Variants in SPATA31C2 observed in about 807,000 individuals in gnomAD.
The protein encoded by SPATA31C2 is SPATA31 subfamily C member 2.
In SPATA31C2, 5 loss-of-function variants were observed where a neutral mutation model predicts 11.4. The observed-to-expected ratio is 0.44, with a 90% confidence interval of 0.23 to 0.92. The LOEUF (loss-of-function observed/expected upper bound fraction) is 0.92, where lower values mean the gene tolerates loss of function less well. SPATA31C2 is among the 40% of genes least tolerant of loss of function. The pLI, the probability that SPATA31C2 is intolerant of heterozygous loss-of-function variation, is 0.24. For synonymous variants in SPATA31C2, 515 were observed against 538.7 expected, an observed-to-expected ratio of 0.96 and a Z score of 0.61; for missense variants, 1,353 against 1,368.6, an observed-to-expected ratio of 0.99 and a Z score of 0.18.
Position 88,131,172 on chromosome 9 carries a change from G to C in SPATA31C2, c.1865C>G (p.Pro622Arg). 2 of 1,611,708 alleles carry C rather than the reference G, an allele frequency of 1.2e-6. No homozygotes were observed. The highest frequency in any genetic ancestry group is 1.1e-5 in the South Asian group (1 of 90,986). The change falls in exon 4 of 4, where the codon CCG becomes CGG. Residue 622 changes from proline to arginine, a missense_variant. By Grantham distance (103) the Pro-to-Arg change is moderately radical. Around this residue, in one of 6 missense-constraint regions of SPATA31C2, gnomAD observed 1,075 missense variants for 992.8 expected, o/e 1.08. Transcript: ENST00000324915. ...THVKTSNLAA[P>R]KSRKACVNTA... is the part of the protein sequence containing the mutation. ...GTTCACACAGGCTTTCCTGCTTTTCGGGGCTGCTAGATTGCTGGTTTTCAC... is the reference window on the plus strand; with the variant it reads ...GTTCACACAGGCTTTCCTGCTTTTCCGGGCTGCTAGATTGCTGGTTTTCAC...
In SPATA31C2 at chr9:88,131,669, G is replaced by A. The variant is rs765947068; in HGVS notation, c.1368C>T (p.His456=). 6.2e-7 allele frequency: 1 copy of A among 1,612,030 alleles called. No individual in the cohort carries two copies. The highest frequency in any genetic ancestry group is 8.5e-7 in the Non-Finnish European group (1 of 1,179,866). Reference sequence around the variant, plus strand: ...CTTGGATCCTTCCACGTTGCCCCATGTGTTGCTCCAGTTGTCTCCAGAGTT... The same window carrying A: ...CTTGGATCCTTCCACGTTGCCCCATATGTTGCTCCAGTTGTCTCCAGAGTT... ...SPELWRQLEQ[H]MGQRGRIQES... is the part of the protein sequence containing the mutation. The change falls in exon 4 of 4, where the codon CAC becomes CAT. Residue 456 remains histidine, a synonymous_variant. Coordinates refer to ENST00000324915, the MANE Select transcript of SPATA31C2 (RefSeq NM_001350978.3).
intron 1 of SPATA31C2, among the ~76,000 whole-genome samples, chr9:88,134,327 C>T (rs1485226147): frequency 4.1e-3 from 536 of 130,214 alleles, no homozygotes; most frequent in African/African-American, 0.014. Flanking sequence ...TGCCAGGCCC[C>T]GGTGGGAGGC....
Position 88,134,000 on chromosome 9 carries a change from A to G in SPATA31C2, c.190-331T>C, listed in dbSNP as rs28555444. ...GAAACCCCATCTCTACTAAAAATACAAAAATTAGCCAGGCGTGGTGGCGGG... is the reference window on the plus strand; with the variant it reads ...GAAACCCCATCTCTACTAAAAATACGAAAATTAGCCAGGCGTGGTGGCGGG... On this transcript the variant is annotated intron_variant, in intron 1 of 3. Transcript: ENST00000324915. Among the ~76,000 whole-genome samples, 2,977 of 150,844 alleles carry G rather than the reference A, an allele frequency of 0.02. 169 individuals carry two copies. In the East Asian group the frequency reaches 0.27, roughly 14 times the overall value.
chr9:88,129,763 A>T lies in SPATA31C2; in HGVS notation c.3274T>A (p.Phe1092Ile), dbSNP rs1338508089. The T allele has an allele frequency of 1.9e-6, 3 of 1,603,660 alleles. No homozygotes were observed. Among genetic ancestry groups the T allele is most frequent in the East Asian group, 4.5e-5 (2 of 44,536 alleles). Residue 1092 changes from phenylalanine to isoleucine, a missense_variant, in exon 4 of 4, where the codon TTT becomes ATT. This residue lies in a region of SPATA31C2 where 187 missense variants were observed against 205.8 expected (regional missense o/e 0.91). Transcript: ENST00000324915. ...RQQFQAPVCG[F>I]PCNHRHPFYS... ...AACGGGTGTCTGTGGTTGCAGGGAAACCCACAGACTGGGGCTTGAAACTGC... is the reference window on the plus strand; with the variant it reads ...AACGGGTGTCTGTGGTTGCAGGGAATCCCACAGACTGGGGCTTGAAACTGC...
chr9:88,129,830 A>G lies in SPATA31C2; in HGVS notation c.3207T>C (p.Leu1069=), dbSNP rs768304120. 8.1e-6 allele frequency: 13 copies of G among 1,604,516 alleles called. No individual in the cohort carries two copies. Among genetic ancestry groups the G allele is most frequent in the Non-Finnish European group, 1.7e-6 (2 of 1,173,920 alleles). Residue 1069 remains leucine, a synonymous_variant, in exon 4 of 4, where the codon CTT becomes CTC. Transcript: ENST00000324915. ...CCTTCGAGGCATGGCGCGCATGGCA[A>G]AGTGACATGTTCTCCTCCAGTATCT... The part of the protein sequence containing the change: ...VGQILEENMS[L]CHARHASKVN...
chr9:88,133,556 G>T, intron 2 of SPATA31C2, 38 bp downstream of exon 2: 2 of 1,570,526 alleles, frequency 1.3e-6, no homozygotes, highest in Non-Finnish European at 1.7e-6. Context: ...GGACAGATGA[G>T]ATCAAATTAA....
rs1825595716 is a variant in SPATA31C2 at position 88,131,575 on chromosome 9, G to A, written c.1462C>T (p.Pro488Ser). The change falls in exon 4 of 4, where the codon CCC (proline) becomes TCC (serine). Residue 488 changes from proline to serine, a missense_variant. Coordinates refer to ENST00000324915, the MANE Select transcript of SPATA31C2 (RefSeq NM_001350978.3). ...GTSQAKGKPR[P>S]WQSSTSTGES... is the part of the protein sequence containing the mutation. Reference sequence around the variant, plus strand: ...CCTGTGGACGTGGAGGACTGCCAGGGCCTGGGTTTGCCCTTGGCCTGACTT... The same window carrying A: ...CCTGTGGACGTGGAGGACTGCCAGGACCTGGGTTTGCCCTTGGCCTGACTT... The A allele has an allele frequency of 1.2e-6, 2 of 1,611,814 alleles. No homozygotes were observed. Among genetic ancestry groups the A allele is most frequent in the South Asian group, 1.1e-5 (1 of 90,970 alleles).
chr9:88,131,208 G>C lies in SPATA31C2; in HGVS notation c.1829C>G (p.Ser610Cys), dbSNP rs1825586268. Residue 610 changes from serine to cysteine, a missense_variant, in exon 4 of 4, where the codon TCC becomes TGC. This residue lies in a region of SPATA31C2 where 1,075 missense variants were observed against 992.8 expected (regional missense o/e 1.08). Transcript: ENST00000324915. Reference protein sequence around the residue: ...WLAVNQAFPVSNTHVKTSNLA... With the variant: ...WLAVNQAFPVCNTHVKTSNLA... ...ATTGCTGGTTTTCACGTGGGTGTTG[G>C]AGACGGGAAAAGCCTGGTTGACAGC... 6.2e-7 allele frequency: 1 copy of C among 1,611,808 alleles called. No individual in the cohort carries two copies. Among genetic ancestry groups the C allele is most frequent in the Non-Finnish European group, 8.5e-7 (1 of 1,179,868 alleles).
chr9:88,131,402 C>G lies in SPATA31C2; in HGVS notation c.1635G>C (p.Glu545Asp), dbSNP rs772601855. The change falls in exon 4 of 4, where the codon GAG becomes GAC. Residue 545 changes from glutamate (E) to aspartate (D), a missense_variant. Transcript: ENST00000324915. ...GCTTCCTCAGGTTCCTTTCCGACTC[C>G]TCAGAGGTCGCCCCCAGAACCTTCC... ...FPGKVLGATS[E>D]ESERNLRKPL... The G allele has an allele frequency of 1.2e-6, 2 of 1,611,986 alleles. No homozygotes were observed. Among genetic ancestry groups the G allele is most frequent in the African/African-American group, 2.7e-5 (2 of 74,968 alleles).
At position 88,130,209 on chromosome 9, in the gene SPATA31C2, C is replaced by A. The variant is rs749652962; in HGVS notation, c.2828G>T (p.Cys943Phe). 1 of 1,609,038 alleles carries A rather than the reference C, an allele frequency of 6.2e-7. No homozygotes were observed. Among genetic ancestry groups the A allele is most frequent in the Admixed American group, 1.7e-5 (1 of 59,784 alleles). The part of the protein sequence containing the change: ...EPRNPNCQGS[C>F]KSQSPMFPPT... Reference sequence around the variant, plus strand: ...GGGAAACATTGGGCTTTGGCTCTTGCATGAGCCTTGACAGTTTGGGTTCCT... The same window carrying A: ...GGGAAACATTGGGCTTTGGCTCTTGAATGAGCCTTGACAGTTTGGGTTCCT... Residue 943 changes from cysteine (C) to phenylalanine (F), a missense_variant, in exon 4 of 4, where the codon TGC becomes TTC. Cys to Phe is a radical substitution (Grantham distance 205). Around this residue, in one of 6 missense-constraint regions of SPATA31C2, gnomAD observed 16 missense variants for 45.1 expected, o/e 0.35. Coordinates refer to ENST00000324915, the MANE Select transcript of SPATA31C2 (RefSeq NM_001350978.3).
rs1825585880 is a variant in SPATA31C2 at position 88,131,193 on chromosome 9, T to C, written c.1844A>G (p.Lys615Arg). 1.2e-6 allele frequency: 2 copies of C among 1,611,774 alleles called. No homozygotes were observed. Among genetic ancestry groups the C allele is most frequent in the East Asian group, 4.5e-5 (2 of 44,828 alleles). The change falls in exon 4 of 4, where the codon AAA becomes AGA. Residue 615 changes from lysine to arginine, a missense_variant. Around this residue, in one of 6 missense-constraint regions of SPATA31C2, gnomAD observed 1,075 missense variants for 992.8 expected, o/e 1.08. Coordinates refer to ENST00000324915, the MANE Select transcript of SPATA31C2 (RefSeq NM_001350978.3). ...QAFPVSNTHV[K>R]TSNLAAPKSR... is the part of the protein sequence containing the mutation. ...TTTCGGGGCTGCTAGATTGCTGGTT[T>C]TCACGTGGGTGTTGGAGACGGGAAA...
chr9:88,137,905 C>T (rs1462667334), intron 1 of SPATA31C2, among the ~76,000 whole-genome samples: 1 of 103,254 alleles, frequency 9.7e-6, no homozygotes, highest in Non-Finnish European at 1.7e-5. Flanking sequence ...GGGCTCAGGG[C>T]CTGGCCTCGG....
In SPATA31C2 at chr9:88,131,370, C is replaced by G. The variant is rs755601846; in HGVS notation, c.1667G>C (p.Arg556Thr). Residue 556 changes from arginine (R) to threonine (T), a missense_variant, in exon 4 of 4, where the codon AGG becomes ACG. Around this residue, in one of 6 missense-constraint regions of SPATA31C2, gnomAD observed 1,075 missense variants for 992.8 expected, o/e 1.08. Transcript: ENST00000324915. Reference sequence around the variant, plus strand: ...TAATAAATCACTTCCTGAGTCACTCCTCAAGGGCTTCCTCAGGTTCCTTTC... The same window carrying G: ...TAATAAATCACTTCCTGAGTCACTCGTCAAGGGCTTCCTCAGGTTCCTTTC... ...ESERNLRKPL[R>T]SDSGSDLLRR... 3 of 1,611,870 alleles carry G rather than the reference C, an allele frequency of 1.9e-6. No individual in the cohort carries two copies. The highest frequency in any genetic ancestry group is 2.2e-5 in the South Asian group (2 of 90,994).
rs1825567124 is a variant in SPATA31C2, at chr9:88,130,369, G to C, written c.2668C>G (p.His890Asp). Residue 890 changes from histidine to aspartate, a missense_variant, in exon 4 of 4, where the codon CAT becomes GAT. His to Asp is a moderately conservative substitution (Grantham distance 81). Around this residue, in one of 6 missense-constraint regions of SPATA31C2, gnomAD observed 1,075 missense variants for 992.8 expected, o/e 1.08. Transcript: ENST00000324915. ...LPDGQASVVP[H>D]ASENLASQVP... ...TGAGAAGCCAAATTCTCTGAAGCATGGGGCACAACAGATGCTTGCCCATCT... is the reference window on the plus strand; with the variant it reads ...TGAGAAGCCAAATTCTCTGAAGCATCGGGCACAACAGATGCTTGCCCATCT... 1.9e-6 allele frequency: 3 copies of C among 1,610,786 alleles called. No individual in the cohort carries two copies. The highest frequency in any genetic ancestry group is 2.5e-6 in the Non-Finnish European group (3 of 1,179,318).
chr9:88,130,371 G>C lies in SPATA31C2; in HGVS notation c.2666C>G (p.Pro889Arg). 6.2e-7 allele frequency: 1 copy of C among 1,610,830 alleles called. No individual in the cohort carries two copies. Among genetic ancestry groups the C allele is most frequent in the Non-Finnish European group, 8.5e-7 (1 of 1,179,344 alleles). Residue 889 changes from proline (P) to arginine (R), a missense_variant, in exon 4 of 4, where the codon CCC (proline) becomes CGC (arginine). Physicochemically the swap from Pro to Arg is moderately radical, Grantham distance 103 (BLOSUM62 -2). Transcript: ENST00000324915. ...LLPDGQASVVPHASENLASQV... is the reference protein window; with the variant it reads ...LLPDGQASVVRHASENLASQV... ...AGAAGCCAAATTCTCTGAAGCATGG[G>C]GCACAACAGATGCTTGCCCATCTGG...
Position 88,130,780 on chromosome 9 carries a change from C to T in SPATA31C2, c.2257G>A (p.Asp753Asn). Residue 753 changes from aspartate to asparagine, a missense_variant, in exon 4 of 4, where the codon GAT becomes AAT. By Grantham distance (23) the Asp-to-Asn change is conservative. Transcript: ENST00000324915. Reference protein sequence around the residue: ...RAPRGIPSSNDHGSLKAPTAG... With the variant: ...RAPRGIPSSNNHGSLKAPTAG... ...GTAGGAGCCTTCAAGGACCCATGAT[C>T]ATTCGAAGATGGGATCCCTCGCGGG... 1 of 1,613,126 alleles carries T rather than the reference C, an allele frequency of 6.2e-7. No homozygotes were observed. Among genetic ancestry groups the T allele is most frequent in the African/African-American group, 1.3e-5 (1 of 75,022 alleles).
In SPATA31C2 at chr9:88,137,249, T is replaced by C. The variant is rs371873716; in HGVS notation, c.189+1009A>G. On this transcript the variant is annotated intron_variant, in intron 1 of 3. Transcript: ENST00000324915. Reference sequence around the variant, plus strand: ...ACTTTTGAAAAAAGTGCAATATCGGTTCAATAGTACAGTGGTTCTGGAGCA... The same window carrying C: ...ACTTTTGAAAAAAGTGCAATATCGGCTCAATAGTACAGTGGTTCTGGAGCA... Among the ~76,000 whole-genome samples, 6 of 149,028 alleles carry C rather than the reference T, an allele frequency of 4.0e-5. No homozygotes were observed. In the East Asian group the frequency reaches 7.9e-4, roughly 20 times the overall value.
In SPATA31C2 at chr9:88,130,694, G is replaced by A. The variant is rs776006743; in HGVS notation, c.2343C>T (p.Thr781=). 3 of 1,613,890 alleles carry A rather than the reference G, an allele frequency of 1.9e-6. No homozygotes were observed. The highest frequency in any genetic ancestry group is 2.5e-6 in the Non-Finnish European group (3 of 1,179,860). Reference sequence around the variant, plus strand: ...GGGCTCCTAAGCTCCTGCTCTGCTGGGTGCTGCCTGTGAGGCTGTATGTGA... The same window carrying A: ...GGGCTCCTAAGCTCCTGCTCTGCTGAGTGCTGCCTGTGAGGCTGTATGTGA... The part of the protein sequence containing the change: ...KPLTYSLTGS[T]QQSRSLGAQS... Residue 781 remains threonine (T), a synonymous_variant, in exon 4 of 4, where the codon ACC becomes ACT. Coordinates refer to ENST00000324915, the MANE Select transcript of SPATA31C2 (RefSeq NM_001350978.3).
At position 88,130,787 on chromosome 9, in the gene SPATA31C2, A is replaced by T; in HGVS notation, c.2250T>A (p.Ser750=). The T allele has an allele frequency of 6.2e-7, 1 of 1,613,070 alleles. No homozygotes were observed. The highest frequency in any genetic ancestry group is 1.1e-5 in the South Asian group (1 of 91,042). Residue 750 remains serine (S), a synonymous_variant, in exon 4 of 4, where the codon TCT becomes TCA. Transcript: ENST00000324915. ...QFQRAPRGIP[S]SNDHGSLKAP... ...CCTTCAAGGACCCATGATCATTCGA[A>T]GATGGGATCCCTCGCGGGGCCCTCT...
Sources: gnomAD v4.1 joint callset for allele counts (sites outside exome capture counted in the v4.1 genomes callset) on GRCh38, gnomAD v4.1.1 for gene constraint, gnomAD v4.1.1 regional missense constraint, MANE v1.5 for transcripts, NCBI Gene and HGNC (gene_info 2026-07-23, HGNC 2026-07-21) for gene names.